The following LGSN variants were observed in gnomAD, a reference collection of about 807,000 sequenced individuals.
LGSN encodes lengsin, lens protein with glutamine synthetase domain.
Under a neutral mutation model 19.5 loss-of-function variants are expected in LGSN, and 21 were observed. The ratio of observed to expected loss-of-function variants is 1.07; its 90% CI spans 0.76 to 1.55. LGSN has a LOEUF of 1.55. Ranked by LOEUF, LGSN falls within the 40% of genes most tolerant of loss-of-function variation. LGSN has a pLI of 0.00. For missense variants in LGSN, 673 were observed against 608.5 expected (o/e 1.11, Z -1.12); for synonymous variants, 257 against 215.6 (o/e 1.19, Z -1.68).
At chr6:63,545,170 C>T in the LGSN span, among the ~76,000 whole-genome samples, 1 of 152,138 alleles carries the variant, frequency 6.6e-6, no homozygotes, top group Non-Finnish European at 1.5e-5. Flanking sequence ...TAATCTGTTT[C>T]TATCTTTTCT....
At chr6:63,354,815 T>A in the LGSN span, among the ~76,000 whole-genome samples, 449 of 152,118 alleles carry the variant, frequency 3.0e-3, 3 homozygotes, top group African/African-American at 0.01. Flanking sequence ...AAGAATGAGA[T>A]AATACCATTT....
At chr6:63,327,449 C>A in the LGSN span, among the ~76,000 whole-genome samples, 1 of 152,206 alleles carries the variant, frequency 6.6e-6, no homozygotes, top group African/African-American at 2.4e-5. Context: ...GCATCTCATG[C>A]TATCCCAGAC....
intron 3 of LGSN, 94 bp from the exon 4 acceptor site, chr6:63,281,314 T>C (rs1277211163): frequency 6.0e-6 from 1 of 165,784 alleles, no homozygotes; most frequent in Non-Finnish European, 1.2e-5. Flanking sequence ...AATATATATA[T>C]ATATATATAT....
At chr6:63,394,952 C>G in the LGSN span, 1 of 154,228 alleles carries the variant, frequency 6.5e-6, no homozygotes, top group South Asian at 1.9e-4. Context: ...GCTTGTGGAA[C>G]CTTCTTCCCT....
At chr6:63,529,816 G>T in the LGSN span, among the ~76,000 whole-genome samples, 6 of 152,222 alleles carry the variant, frequency 3.9e-5, no homozygotes, top group African/African-American at 1.2e-4. Flanking sequence ...GGCAAAATAC[G>T]TGCGTAAGAG....
chr6:63,567,777 T>C, the LGSN span, among the ~76,000 whole-genome samples: 7 of 152,366 alleles, frequency 4.6e-5, no homozygotes, highest in South Asian at 1.2e-3. Flanking sequence ...TAAGACTGTT[T>C]TGTCTACATT....
rs531837598 is a variant in LGSN, at chr6:63,303,932, A to G, written c.31-8887T>C. On this transcript the variant is annotated intron_variant, in intron 1 of 3. Transcript: ENST00000370657. ...CCTTGAAGCAGATGGCATCCTAGAC[A>G]TAGAAAGCTTTCCCAAGATCATGGA... Among the ~76,000 whole-genome samples the G allele has an allele frequency of 2.0e-4, 31 of 152,348 alleles. No homozygotes were observed. The South Asian group carries it at 3.3e-3, about 16-fold the overall frequency.
At chr6:63,289,757 T>C (rs1767694128) in intron 2 of LGSN, among the ~76,000 whole-genome samples, 1 of 152,088 alleles carries the variant, frequency 6.6e-6, no homozygotes, top group Non-Finnish European at 1.5e-5. Flanking sequence ...AAAAGGGAGA[T>C]TGAAGAGATG....
the LGSN span, among the ~76,000 whole-genome samples, chr6:63,345,792 A>C: frequency 1.2e-4 from 18 of 152,096 alleles, no homozygotes; most frequent in Non-Finnish European, 2.1e-4. Flanking sequence ...GCTAGAAATC[A>C]TGGGTTCCAT....
the LGSN span, among the ~76,000 whole-genome samples, chr6:63,372,300 G>T: frequency 1.3e-5 from 2 of 152,220 alleles, no homozygotes; most frequent in Non-Finnish European, 2.9e-5. Context: ...GTACCAAGAT[G>T]TGTGAAACTG....
chr6:63,358,576 T>A, the LGSN span, among the ~76,000 whole-genome samples: 3 of 152,154 alleles, frequency 2.0e-5, no homozygotes, highest in Admixed American at 6.5e-5. Context: ...TCCTAGGTAT[T>A]TTATTCTCTT....
chr6:63,316,557 A>G (rs1289294801), intron 1 of LGSN, among the ~76,000 whole-genome samples: 3 of 152,152 alleles, frequency 2.0e-5, no homozygotes, highest in African/African-American at 7.2e-5. Flanking sequence ...AAGGAAGCAA[A>G]AAGTTTTGTT....
chr6:63,477,163 T>C, the LGSN span, among the ~76,000 whole-genome samples: 1 of 152,236 alleles, frequency 6.6e-6, no homozygotes, highest in Non-Finnish European at 1.5e-5. Context: ...ATATACAGAA[T>C]TTCAGTTAAT....
Position 63,285,620 on chromosome 6 carries a change from G to A in LGSN, c.297C>T (p.Ser99=), listed in dbSNP as rs771933975. The A allele has an allele frequency of 6.2e-7, 1 of 1,614,004 alleles. No homozygotes were observed. The highest frequency in any genetic ancestry group is 1.7e-5 in the Admixed American group (1 of 60,014). The change falls in exon 3 of 4, where the codon TCC becomes TCT. Residue 99 remains serine (S), a synonymous_variant. Transcript: ENST00000370657. ...AGTGTGCAGGGATAGTCTTAGACCT[G>A]GACACGCCGTGGAGGTCTGTTGCTT... ...RFEATDLHGV[S]RSKTIPAHFF...
At position 63,285,597 on chromosome 6, in the gene LGSN, T is replaced by G. The variant is rs1345753686; in HGVS notation, c.320A>C (p.His107Pro). 1.9e-6 allele frequency: 3 copies of G among 1,612,312 alleles called. No homozygotes were observed. Among genetic ancestry groups the G allele is most frequent in the Non-Finnish European group, 2.5e-6 (3 of 1,179,044 alleles). ...CTGTGTAAAACTCACTTGAAAAAAG[T>G]GTGCAGGGATAGTCTTAGACCTGGA... ...GVSRSKTIPA[H>P]FFQEKVSHGV... Residue 107 changes from histidine to proline, a missense_variant, in exon 3 of 4, where the codon CAC becomes CCC. By Grantham distance (77) the His-to-Pro change is moderately conservative. Transcript: ENST00000370657.
At chr6:63,476,811 A>G in the LGSN span, among the ~76,000 whole-genome samples, 392 of 152,374 alleles carry the variant, frequency 2.6e-3, 3 homozygotes, top group African/African-American at 8.9e-3. Flanking sequence ...ACTAGCCTAG[A>G]TTCAATGAAG....
intron 2 of LGSN, 113 bp downstream of exon 2, chr6:63,294,800 A>C: frequency 2.9e-6 from 3 of 1,046,794 alleles, no homozygotes; most frequent in Non-Finnish European, 4.3e-6. Context: ...AATAACTTTT[A>C]TTTGTCCTTT....
At chr6:63,356,212 A>C in the LGSN span, among the ~76,000 whole-genome samples, 3 of 152,176 alleles carry the variant, frequency 2.0e-5, no homozygotes, top group Admixed American at 6.6e-5. Context: ...TTTGGGGAAA[A>C]ACAATTCAAC....
chr6:63,429,066 A>C, the LGSN span, among the ~76,000 whole-genome samples: 1 of 152,190 alleles, frequency 6.6e-6, no homozygotes, highest in Non-Finnish European at 1.5e-5. Flanking sequence ...AGTCTTTGCT[A>C]GACATTACAT....
Sources: gnomAD v4.1 joint callset for allele counts (sites outside exome capture counted in the v4.1 genomes callset) on GRCh38, gnomAD v4.1.1 for gene constraint, MANE v1.5 for transcripts, NCBI Gene and HGNC (gene_info 2026-07-23, HGNC 2026-07-21) for gene names.